Variants in PDE1C observed in about 807,000 individuals in gnomAD.
PDE1C encodes the protein dual specificity calcium/calmodulin-dependent 3',5'-cyclic nucleotide phosphodiesterase 1C.
In PDE1C, 62 loss-of-function variants were observed where a neutral mutation model predicts 93.1. The ratio of observed to expected loss-of-function variants is 0.67; its 90% CI spans 0.54 to 0.82. The LOEUF is 0.82. Among genes scored for constraint, PDE1C ranks in the 40% least tolerant of loss-of-function variants. PDE1C has a pLI of 0.00. For missense variants in PDE1C, 742 were observed against 884.6 expected, an observed-to-expected ratio of 0.84 and a Z score of 2.04; for synonymous variants, 325 against 310.1, an observed-to-expected ratio of 1.05 and a Z score of -0.50.
intron 1 of PDE1C, among the ~76,000 whole-genome samples, chr7:32,293,195 AGGTGTTACCACCTC>A (rs1812440988): frequency 1.3e-5 from 2 of 152,198 alleles, no homozygotes; most frequent in South Asian, 4.2e-4. Flanking sequence ...CCCACAAGGA[AGGTGTTACCACCTC>A]CATTTATTCA....
the PDE1C span, among the ~76,000 whole-genome samples, chr7:31,656,834 C>A: frequency 2.6e-5 from 4 of 151,896 alleles, no homozygotes; most frequent in African/African-American, 9.7e-5. Context: ...ATGGTTTACT[C>A]TCCTAATTCT....
intron 1 of PDE1C, among the ~76,000 whole-genome samples, chr7:32,329,928 A>T (rs1313565873): frequency 1.3e-5 from 2 of 152,236 alleles, no homozygotes; most frequent in East Asian, 3.9e-4. Context: ...CTTTGCTCAA[A>T]TCATTGTCCA....
intron 1 of PDE1C, among the ~76,000 whole-genome samples, chr7:32,262,616 G>T (rs1810292154): frequency 6.6e-6 from 1 of 152,136 alleles, no homozygotes; most frequent in African/African-American, 2.4e-5. Flanking sequence ...AGCCAAGCTG[G>T]GACATGCAGG....
chr7:31,706,012 TTTTTTTTTTTG>T, the PDE1C span, among the ~76,000 whole-genome samples: 1 of 119,744 alleles, frequency 8.4e-6, no homozygotes, highest in African/African-American at 3.3e-5. Flanking sequence ...TTTTTTTTTT[TTTTTTTTTTTG>T]AGAAGGAGTC....
At chr7:32,313,369 GA>G (rs770122791) in intron 1 of PDE1C, among the ~76,000 whole-genome samples, 14 of 151,380 alleles carry the variant, frequency 9.2e-5, no homozygotes, top group Non-Finnish European at 1.8e-4. Flanking sequence ...TCTAGAACTA[GA>G]AATACCATTT....
chr7:32,077,091 G>C (rs1331232577), intron 3 of PDE1C, among the ~76,000 whole-genome samples: 1 of 152,046 alleles, frequency 6.6e-6, no homozygotes, highest in African/African-American at 2.4e-5. Context: ...AACACAAAAA[G>C]TAGCCAGGCG....
intron 2 of PDE1C, among the ~76,000 whole-genome samples, chr7:32,008,381 G>A (rs760426369): frequency 5.9e-5 from 9 of 152,254 alleles, no homozygotes; most frequent in Admixed American, 2.0e-4. Context: ...GGTTAGGCAC[G>A]TTCCATTAAG....
chr7:31,644,327 T>C, the PDE1C span, among the ~76,000 whole-genome samples: 1 of 152,210 alleles, frequency 6.6e-6, no homozygotes, highest in Non-Finnish European at 1.5e-5. Context: ...CTATATAATC[T>C]TGCACAAGCC....
At chr7:31,735,964 T>C in the PDE1C span, among the ~76,000 whole-genome samples, 22 of 152,238 alleles carry the variant, frequency 1.4e-4, no homozygotes, top group African/African-American at 5.3e-4. Context: ...ACATCATCTC[T>C]AGAATACTTA....
At chr7:31,719,710 TAATTTA>T in the PDE1C span, among the ~76,000 whole-genome samples, 1 of 152,154 alleles carries the variant, frequency 6.6e-6, no homozygotes, top group Admixed American at 6.5e-5. Flanking sequence ...TTCCACACAT[TAATTTA>T]AATAAGCCCA....
At chr7:31,761,264 A>G (rs11981972) in intron 17 of PDE1C, among the ~76,000 whole-genome samples, 48,362 of 152,010 alleles carry the variant, frequency 0.32, 7,954 homozygotes, top group Admixed American at 0.37. Flanking sequence ...CAATAATAAA[A>G]GAGTCAAGTC....
chr7:32,034,431 A>C (rs1790764864), intron 2 of PDE1C, among the ~76,000 whole-genome samples: 1 of 152,132 alleles, frequency 6.6e-6, no homozygotes, highest in African/African-American at 2.4e-5. Flanking sequence ...CAAAGATGCC[A>C]ATCTGGTGGA....
chr7:32,272,882 A>G (rs144174515), intron 1 of PDE1C, among the ~76,000 whole-genome samples: 1 of 152,370 alleles, frequency 6.6e-6, no homozygotes, highest in East Asian at 1.9e-4. Flanking sequence ...GTGTATAAAT[A>G]TTGAATGTGA....
At chr7:31,955,426 T>C (rs1807992492) in intron 2 of PDE1C, among the ~76,000 whole-genome samples, 1 of 152,046 alleles carries the variant, frequency 6.6e-6, no homozygotes, top group African/African-American at 2.4e-5. Context: ...TACCCTCAAA[T>C]CAAAACAAAA....
intron 2 of PDE1C, among the ~76,000 whole-genome samples, chr7:32,025,158 TAG>T (rs1300586160): frequency 3.9e-5 from 6 of 152,180 alleles, no homozygotes; most frequent in Non-Finnish European, 8.8e-5. Context: ...CATCCTCATG[TAG>T]AGTTATCCTC....
intron 1 of PDE1C, among the ~76,000 whole-genome samples, chr7:32,426,146 A>G (rs1785526296): frequency 6.6e-6 from 1 of 152,178 alleles, no homozygotes; most frequent in Admixed American, 6.5e-5. Flanking sequence ...GTATCTGCAC[A>G]TTTAAAAATA....
At chr7:32,193,887 T>C (rs1003933164) in intron 2 of PDE1C, among the ~76,000 whole-genome samples, 3 of 150,962 alleles carry the variant, frequency 2.0e-5, no homozygotes, top group African/African-American at 7.3e-5. Flanking sequence ...TTTGGTAGTT[T>C]ATGTGGTTTT....
intron 8 of PDE1C, among the ~76,000 whole-genome samples, chr7:31,849,247 G>A (rs922315736): frequency 5.3e-5 from 8 of 152,100 alleles, no homozygotes; most frequent in African/African-American, 1.7e-4. Context: ...TTTGATCCTC[G>A]TCTCCAGGCA....
chr7:31,774,253 G>T (rs922884175), intron 17 of PDE1C, among the ~76,000 whole-genome samples: 3 of 152,112 alleles, frequency 2.0e-5, no homozygotes, highest in Non-Finnish European at 4.4e-5. Flanking sequence ...ATGAAATATG[G>T]TAATTCCCCA....
Sources: gnomAD v4.1 joint callset for allele counts (sites outside exome capture counted in the v4.1 genomes callset) on GRCh38, gnomAD v4.1.1 for gene constraint, MANE v1.5 for transcripts, NCBI Gene and HGNC (gene_info 2026-07-23, HGNC 2026-07-21) for gene names.